MGMT: variants seen among roughly 807,000 people sequenced by gnomAD.
MGMT encodes O-6-methylguanine-DNA methyltransferase.
In MGMT, 14 loss-of-function variants were observed where a neutral mutation model predicts 15.9. The observed-to-expected ratio is 0.88, with a 90% CI of 0.58 to 1.37. MGMT has a LOEUF of 1.37. MGMT is among the 40% of genes most tolerant of loss of function. The pLI is 0.00. For missense variants in MGMT, 282 were observed against 268.1 expected, an observed-to-expected ratio of 1.05 and a Z score of -0.36; for synonymous variants, 130 against 118.2, an observed-to-expected ratio of 1.10 and a Z score of -0.65.
chr10:129,538,617 C>T (rs1445480335), intron 2 of MGMT, among the ~76,000 whole-genome samples: 1 of 152,036 alleles, frequency 6.6e-6, no homozygotes, highest in Non-Finnish European at 1.5e-5. Context: ...GAAATATCTA[C>T]TCAAGTCTTT....
intron 2 of MGMT, among the ~76,000 whole-genome samples, chr10:129,616,391 TGTG>T (rs1034034110): frequency 6.6e-6 from 1 of 152,122 alleles, no homozygotes; most frequent in African/African-American, 2.4e-5. Context: ...GAGGCAGCCA[TGTG>T]GTGCTGAAGG....
At chr10:129,704,827 CA>C (rs1185017352) in intron 2 of MGMT, among the ~76,000 whole-genome samples, 1 of 152,066 alleles carries the variant, frequency 6.6e-6, no homozygotes, top group Non-Finnish European at 1.5e-5. Flanking sequence ...TTTACACCCA[CA>C]AAATGCTCCA....
intron 4 of MGMT, among the ~76,000 whole-genome samples, chr10:129,762,699 G>A (rs3829195): frequency 0.38 from 57,975 of 151,954 alleles, 11,615 homozygotes; most frequent in Admixed American, 0.51. Flanking sequence ...ACCTTTTTCT[G>A]AACAAATGCA....
chr10:129,473,218 A>C (rs1845252121), intron 1 of MGMT, among the ~76,000 whole-genome samples: 1 of 152,250 alleles, frequency 6.6e-6, no homozygotes, highest in African/African-American at 2.4e-5. Context: ...TTTAGATCAC[A>C]GCAGTGAGGG....
At position 129,521,804 on chromosome 10, in the gene MGMT, G is replaced by A. The variant is rs535502488; in HGVS notation, c.-12-14437G>A. The stretch of plus-strand genomic sequence containing the variant: ...GCTGCACCTTGCTGTCCAGGGGGCC[G>A]CAGCTGAGGCCTGTGCAGCCTCCCC... On this transcript the variant is annotated intron_variant, in intron 1 of 4. Transcript: ENST00000651593. 7.9e-5 allele frequency among the ~76,000 whole-genome samples: 12 copies of A among 152,358 alleles called. No individual in the cohort carries two copies. The East Asian group carries it at 1.7e-3, about 22-fold the overall frequency.
At chr10:129,520,631 CCCCTAAAGTGCAGGTGCAGAAT>C (rs1845795371) in intron 1 of MGMT, among the ~76,000 whole-genome samples, 1 of 131,390 alleles carries the variant, frequency 7.6e-6, no homozygotes. Flanking sequence ...ACCTACAGAA[CCCCTAAAGTGCAGGTGCAGAAT>C]CCCTACAGTG....
chr10:129,615,340 C>G (rs1006705330), intron 2 of MGMT, among the ~76,000 whole-genome samples: 3 of 152,064 alleles, frequency 2.0e-5, no homozygotes, highest in Admixed American at 1.3e-4. Context: ...CTGGACAGCA[C>G]CCAGGACCAC....
At position 129,544,934 on chromosome 10, in the gene MGMT, G is replaced by A. The variant is rs139866005; in HGVS notation, c.125+8557G>A. On this transcript the variant is annotated intron_variant, in intron 2 of 4. Transcript: ENST00000651593. Reference sequence around the variant, plus strand: ...GTCTCTGTTTCTCCCAGAAGAGGCGGCGTGGCCAGGGGTCAGGCAGATGTC... The same window carrying A: ...GTCTCTGTTTCTCCCAGAAGAGGCGACGTGGCCAGGGGTCAGGCAGATGTC... 6.0e-3 allele frequency among the ~76,000 whole-genome samples: 920 copies of A among 152,322 alleles called. 5 individuals carry two copies. The highest frequency in any genetic ancestry group is 9.2e-3 in the Non-Finnish European group (626 of 68,030).
At chr10:129,520,536 GTA>G (rs1385569145) in intron 1 of MGMT, among the ~76,000 whole-genome samples, 474 of 89,746 alleles carry the variant, frequency 5.3e-3, no homozygotes, top group African/African-American at 0.015. Context: ...TACAGTGCAT[GTA>G]CAGAGCCCCT....
At chr10:129,520,579 G>GTGCAGAGCCCCTATGGTATGCT (rs1462548282) in intron 1 of MGMT, among the ~76,000 whole-genome samples, 4 of 92,824 alleles carry the variant, frequency 4.3e-5, no homozygotes, top group African/African-American at 2.5e-4. Context: ...CTATGGTGCG[G>GTGCAGAGCCCCTATGGTATGCT]TGCAGAGCCC....
At chr10:129,665,065 C>T (rs1443519772) in intron 2 of MGMT, among the ~76,000 whole-genome samples, 1 of 147,478 alleles carries the variant, frequency 6.8e-6, no homozygotes, top group Admixed American at 6.9e-5. Flanking sequence ...TACCATATGG[C>T]ACAGAAATCT....
chr10:129,723,727 C>T (rs905466527), intron 3 of MGMT, among the ~76,000 whole-genome samples: 3 of 152,154 alleles, frequency 2.0e-5, no homozygotes, highest in Non-Finnish European at 4.4e-5. Context: ...AAATATCTCA[C>T]ATTTTCATCG....
chr10:129,522,738 TC>T, intron 1 of MGMT, among the ~76,000 whole-genome samples: 1 of 152,258 alleles, frequency 6.6e-6, no homozygotes, highest in Admixed American at 6.5e-5. Context: ...AGGGGTGTAA[TC>T]CCATGTCGAT....
At chr10:129,587,389 C>T (rs1001798172) in intron 2 of MGMT, among the ~76,000 whole-genome samples, 1 of 148,168 alleles carries the variant, frequency 6.7e-6, no homozygotes, top group African/African-American at 2.5e-5. Context: ...ATCTTTTCTT[C>T]TGCAATGCCT....
At chr10:129,746,413 T>A (rs1305662694) in intron 3 of MGMT, among the ~76,000 whole-genome samples, 1 of 151,808 alleles carries the variant, frequency 6.6e-6, no homozygotes, top group Non-Finnish European at 1.5e-5. Context: ...TCATGAAGAT[T>A]TGTCATATAG....
intron 3 of MGMT, among the ~76,000 whole-genome samples, chr10:129,747,870 T>G (rs1475543544): frequency 6.6e-6 from 1 of 152,176 alleles, no homozygotes; most frequent in Non-Finnish European, 1.5e-5. Flanking sequence ...ATGTTCCTCT[T>G]TTGGAATGTT....
intron 2 of MGMT, among the ~76,000 whole-genome samples, chr10:129,600,789 A>G (rs1456194032): frequency 6.6e-6 from 1 of 152,198 alleles, no homozygotes; most frequent in Non-Finnish European, 1.5e-5. Context: ...CCATACAAGT[A>G]TGAAGTTCCT....
intron 3 of MGMT, among the ~76,000 whole-genome samples, chr10:129,719,900 A>G (rs1172098057): frequency 2.6e-5 from 4 of 152,212 alleles, no homozygotes; most frequent in Non-Finnish European, 5.9e-5. Flanking sequence ...AGCAAAAGAA[A>G]TACCTGCTTA....
intron 2 of MGMT, among the ~76,000 whole-genome samples, chr10:129,639,192 G>C (rs1847299091): frequency 6.6e-6 from 1 of 151,948 alleles, no homozygotes; most frequent in Non-Finnish European, 1.5e-5. Flanking sequence ...GTTTGTTTAA[G>C]AGAAAAAAAT....
Sources: gnomAD v4.1 joint callset for allele counts (sites outside exome capture counted in the v4.1 genomes callset) on GRCh38, gnomAD v4.1.1 for gene constraint, MANE v1.5 for transcripts, NCBI Gene and HGNC (gene_info 2026-07-23, HGNC 2026-07-21) for gene names.